Variants in KDM2B observed in about 807,000 individuals in gnomAD.
KDM2B encodes the protein lysine demethylase 2B.
KDM2B carries 26 observed loss-of-function variants against 150.0 expected under a neutral mutation model. The ratio of observed to expected loss-of-function variants is 0.17; its 90% CI spans 0.13 to 0.24. The LOEUF is 0.24. Among genes scored for constraint, KDM2B ranks in the 10% least tolerant of loss-of-function variants. The probability of loss-of-function intolerance (pLI) is 1.00; values close to 1 mark genes in which losing one functional copy is unlikely to be tolerated. For missense variants in KDM2B, 1,265 were observed against 1,816.9 expected, an observed-to-expected ratio of 0.70 and a Z score of 5.52; for synonymous variants, 734 against 729.5, an observed-to-expected ratio of 1.01 and a Z score of -0.10.
intron 4 of KDM2B, among the ~76,000 whole-genome samples, chr12:121,568,828 A>G (rs748250702): frequency 6.7e-6 from 1 of 149,430 alleles, no homozygotes; most frequent in Non-Finnish European, 1.5e-5. Flanking sequence ...GGTTTTTTTA[A>G]GGGTACAGTG....
rs1885754712 is a variant in KDM2B, at chr12:121,513,355, A to G, written c.1095T>C (p.Tyr365=). The G allele has an allele frequency of 1.2e-6, 2 of 1,613,048 alleles. No individual in the cohort carries two copies. The highest frequency in any genetic ancestry group is 1.7e-6 in the Non-Finnish European group (2 of 1,179,376). ...CACAGTACACGTATCTCTCCAGGAC[A>G]TACCAGCACATCTCATAGTAGAAGG... ...RYPFYYEMCW[Y]VLERYVYCVT... Residue 365 remains tyrosine, a synonymous_variant, in exon 10 of 23, where the codon TAT becomes TAC. Transcript: ENST00000377071. The surrounding 1 kb of genome is among the most constrained non-coding windows in gnomAD (Gnocchi z 5.0).
At chr12:121,502,442 C>T (rs1884652329) in intron 11 of KDM2B, among the ~76,000 whole-genome samples, 1 of 151,916 alleles carries the variant, frequency 6.6e-6, no homozygotes, top group Admixed American at 6.6e-5. Context: ...GCCAACATGG[C>T]GAAACCCCAC....
chr12:121,517,230 G>C (rs1302105997), intron 9 of KDM2B, among the ~76,000 whole-genome samples: 2 of 152,118 alleles, frequency 1.3e-5, no homozygotes, highest in African/African-American at 2.4e-5. Flanking sequence ...ATAGCTTCAG[G>C]ATGAGGGGAA....
chr12:121,574,653 C>A, intron 3 of KDM2B, 60 bp from the exon 4 acceptor site: 1 of 1,527,620 alleles, frequency 6.5e-7, no homozygotes, highest in South Asian at 1.1e-5. Context: ...GCTAGACTAC[C>A]CTGGGCCCGG....
intron 12 of KDM2B, among the ~76,000 whole-genome samples, chr12:121,465,008 T>C (rs1490458780): frequency 6.6e-6 from 1 of 152,078 alleles, no homozygotes; most frequent in Non-Finnish European, 1.5e-5. Context: ...GACAAACACC[T>C]TCTCTGTTGG....
chr12:121,410,356 G>A, the KDM2B span, among the ~76,000 whole-genome samples: 1 of 152,074 alleles, frequency 6.6e-6, no homozygotes, highest in Non-Finnish European at 1.5e-5. Flanking sequence ...GGACAACATG[G>A]TGAAACCCCG....
intron 6 of KDM2B, among the ~76,000 whole-genome samples, chr12:121,539,326 C>CAAAAAAAA (rs60048517): frequency 3.4e-5 from 2 of 58,592 alleles, no homozygotes; most frequent in African/African-American, 6.8e-5. Flanking sequence ...GACCCTCTCC[C>CAAAAAAAA]AAAAAAAAAA....
intron 12 of KDM2B, among the ~76,000 whole-genome samples, chr12:121,482,940 C>G (rs954200290): frequency 6.6e-6 from 1 of 151,814 alleles, no homozygotes; most frequent in Admixed American, 6.6e-5. Context: ...CCAAGCGGGG[C>G]GGATCACCTG....
chr12:121,437,251 C>A (rs922238835), intron 22 of KDM2B, among the ~76,000 whole-genome samples: 31 of 151,846 alleles, frequency 2.0e-4, no homozygotes, highest in African/African-American at 7.5e-4. Context: ...TCTGTTGTAC[C>A]ATTTGCATAG....
At chr12:121,499,611 A>C (rs1884323020) in intron 11 of KDM2B, among the ~76,000 whole-genome samples, 1 of 151,962 alleles carries the variant, frequency 6.6e-6, no homozygotes, top group Admixed American at 6.6e-5. Context: ...ATGATCACAC[A>C]ACTACACTCC....
Position 121,441,283 on chromosome 12 carries a change from G to A in KDM2B, c.3285-50C>T, listed in dbSNP as rs782564121. ...CATCGTCAGAGGTGGGGCTCCTCTA[G>A]GGAGCCCACACACAGCTCTTAACTG... On this transcript the variant is annotated intron_variant, in intron 19 of 22. Coordinates refer to ENST00000377071, the MANE Select transcript of KDM2B (RefSeq NM_032590.5). The A allele has an allele frequency of 3.2e-6, 5 of 1,570,458 alleles. No homozygotes were observed. The African/African-American group carries it at 5.4e-5, about 17-fold the overall frequency.
chr12:121,529,140 T>G (rs1887412469), intron 8 of KDM2B, among the ~76,000 whole-genome samples: 1 of 152,204 alleles, frequency 6.6e-6, no homozygotes, highest in South Asian at 2.1e-4. Context: ...AATCCCTCCA[T>G]GATCAAGTGG....
rs1348430738 is a variant in KDM2B, at chr12:121,444,077, C to G, written c.2386G>C (p.Asp796His). 1 of 1,614,028 alleles carries G rather than the reference C, an allele frequency of 6.2e-7. No individual in the cohort carries two copies. The highest frequency in any genetic ancestry group is 8.5e-7 in the Non-Finnish European group (1 of 1,180,026). ...PPDGLLRRKS[D>H]DVHLRKKRKY... ...CGCTTCTTCCTCAGGTGCACGTCGT[C>G]AGACTTTCTGCGCAGAAGGCCGTCC... The change falls in exon 16 of 23, where the codon GAC (aspartate) becomes CAC (histidine). Residue 796 changes from aspartate (D) to histidine (H), a missense_variant. Physicochemically the swap from Asp to His is moderately conservative, Grantham distance 81 (BLOSUM62 -1). This residue lies in a region of KDM2B where 418 missense variants were observed against 402.4 expected (regional missense o/e 1.04). Coordinates refer to ENST00000377071, the MANE Select transcript of KDM2B (RefSeq NM_032590.5).
chr12:121,511,812 G>A (rs1885617466), intron 10 of KDM2B, among the ~76,000 whole-genome samples: 1 of 152,318 alleles, frequency 6.6e-6, no homozygotes, highest in Middle Eastern at 3.4e-3. Context: ...GCCGTGGTGC[G>A]GAGTACACAG....
intron 17 of KDM2B, 59 bp from the exon 18 acceptor site, chr12:121,443,089 C>T (rs1875454506): frequency 5.3e-6 from 8 of 1,515,458 alleles, no homozygotes; most frequent in Admixed American, 3.8e-5. Context: ...ATTTGGTCTC[C>T]TCGACACCCC....
Position 121,571,586 on chromosome 12 carries a change from G to A in KDM2B, c.397+2961C>T, listed in dbSNP as rs147903411. On this transcript the variant is annotated intron_variant, in intron 4 of 22. Coordinates refer to ENST00000377071, the MANE Select transcript of KDM2B (RefSeq NM_032590.5). Reference sequence around the variant, plus strand: ...TGGGATTACAGGCGTGAGCCACCGCGCCCAACCAACTTCTACATTTTAAAA... The same window carrying A: ...TGGGATTACAGGCGTGAGCCACCGCACCCAACCAACTTCTACATTTTAAAA... Among the ~76,000 whole-genome samples the A allele has an allele frequency of 1.1e-3, 160 of 151,764 alleles. No individual in the cohort carries two copies. The East Asian group carries it at 0.024, about 23-fold the overall frequency.
intron 4 of KDM2B, among the ~76,000 whole-genome samples, chr12:121,557,616 G>A (rs1447200749): frequency 1.3e-5 from 2 of 152,132 alleles, no homozygotes; most frequent in African/African-American, 4.8e-5. Context: ...TCAGAGTGAC[G>A]CAGCTACAAG....
rs1310682137 is a variant in KDM2B, at chr12:121,533,702, CA to C, written c.778-744del. ...CCAAACCCAAGCTTCAAATCTGGCCCAAGGAGCTTTGAACACCAGACTGGGT... is the reference window on the plus strand; with the variant it reads ...CCAAACCCAAGCTTCAAATCTGGCCCAGGAGCTTTGAACACCAGACTGGGT... On this transcript the variant is annotated intron_variant, in intron 7 of 22. Transcript: ENST00000377071. The surrounding 1 kb of genome is among the most constrained non-coding windows in gnomAD (Gnocchi z 4.1). 6.6e-6 allele frequency among the ~76,000 whole-genome samples: 1 copy of C among 152,196 alleles called. No individual in the cohort carries two copies. The highest frequency in any genetic ancestry group is 1.9e-4 in the East Asian group (1 of 5,198).
chr12:121,471,730 G>A (rs1178867890), intron 12 of KDM2B, among the ~76,000 whole-genome samples: 1 of 152,142 alleles, frequency 6.6e-6, no homozygotes, highest in East Asian at 1.9e-4. Flanking sequence ...CTAAAGCTTG[G>A]GAACATCATT....
Sources: gnomAD v4.1 joint callset for allele counts (sites outside exome capture counted in the v4.1 genomes callset) on GRCh38, gnomAD v4.1.1 for gene constraint, gnomAD v4.1.1 regional missense constraint, Gnocchi (gnomAD v3.1) non-coding constraint, MANE v1.5 for transcripts, NCBI Gene and HGNC (gene_info 2026-07-23, HGNC 2026-07-21) for gene names.